HEMK2: variants seen among roughly 807,000 people sequenced by gnomAD.
HEMK2 encodes the protein HemK methyltransferase 2, ETF1 glutamine and histone H4 lysine.
chr21:28,729,633 C>CAAA, the HEMK2 span, among the ~76,000 whole-genome samples: 2,207 of 118,936 alleles, frequency 0.019, 50 homozygotes, highest in African/African-American at 0.038. Context: ...TGCTGATAAG[C>CAAA]AAAAAAAAAA....
the HEMK2 span, among the ~76,000 whole-genome samples, chr21:28,791,289 C>T: frequency 6.6e-6 from 1 of 152,172 alleles, no homozygotes; most frequent in Non-Finnish European, 1.5e-5. Flanking sequence ...TAATTCTTCT[C>T]TTGTCCCATG....
the HEMK2 span, among the ~76,000 whole-genome samples, chr21:28,696,018 G>GC: frequency 6.6e-6 from 1 of 152,106 alleles, no homozygotes; most frequent in South Asian, 2.1e-4. Context: ...GTTCCACATG[G>GC]CTGAGGAGGC....
At chr21:28,863,410 TTATATATATATATATATATATATATA>T in the HEMK2 span, among the ~76,000 whole-genome samples, 109 of 38,986 alleles carry the variant, frequency 2.8e-3, 1 homozygote, top group African/African-American at 3.5e-3. Context: ...AAACTCCCTT[TTATATATATATATATATATATATATA>T]TATATATATA....
At chr21:28,850,845 T>C in the HEMK2 span, among the ~76,000 whole-genome samples, 2 of 152,158 alleles carry the variant, frequency 1.3e-5, no homozygotes, top group Admixed American at 6.5e-5. Context: ...CCTCTATCGA[T>C]TGATTATAGT....
chr21:28,796,070 C>G, the HEMK2 span, among the ~76,000 whole-genome samples: 3 of 152,202 alleles, frequency 2.0e-5, no homozygotes, highest in Non-Finnish European at 4.4e-5. Context: ...TGACTCTATA[C>G]AGATTTTCCT....
the HEMK2 span, among the ~76,000 whole-genome samples, chr21:28,835,165 C>T: frequency 1.3e-5 from 2 of 152,066 alleles, no homozygotes; most frequent in Non-Finnish European, 2.9e-5. Flanking sequence ...TGGAAAATGC[C>T]ACCTCCTGGC....
At chr21:28,705,120 T>C in the HEMK2 span, among the ~76,000 whole-genome samples, 11 of 152,170 alleles carry the variant, frequency 7.2e-5, no homozygotes, top group Non-Finnish European at 1.5e-5. Context: ...TGGTAAATTT[T>C]CATTTCTTTT....
At chr21:28,882,233 G>T in the HEMK2 span, 1 of 1,611,144 alleles carries the variant, frequency 6.2e-7, no homozygotes, top group South Asian at 1.1e-5. Flanking sequence ...TGCTGCCTCA[G>T]GGTTGATATC....
chr21:28,772,004 A>G, the HEMK2 span, among the ~76,000 whole-genome samples: 1 of 152,144 alleles, frequency 6.6e-6, no homozygotes, highest in Admixed American at 6.5e-5. Context: ...CTGTAACTTG[A>G]TGCCAGCCTG....
the HEMK2 span, among the ~76,000 whole-genome samples, chr21:28,804,457 G>A: frequency 5.3e-5 from 8 of 152,094 alleles, no homozygotes; most frequent in Non-Finnish European, 8.8e-5. Context: ...TGTTGAGGCC[G>A]GGCACAGTGG....
chr21:28,595,952 T>C, the HEMK2 span, among the ~76,000 whole-genome samples: 1 of 151,300 alleles, frequency 6.6e-6, no homozygotes, highest in Non-Finnish European at 1.5e-5. Context: ...GCCCAGCTAA[T>C]TTTTTGTATT....
At chr21:28,839,460 A>G in the HEMK2 span, among the ~76,000 whole-genome samples, 1 of 152,154 alleles carries the variant, frequency 6.6e-6, no homozygotes, top group South Asian at 2.1e-4. Flanking sequence ...ATGATTGATT[A>G]CCTTGAAAAC....
the HEMK2 span, among the ~76,000 whole-genome samples, chr21:28,749,415 T>A: frequency 6.6e-6 from 1 of 152,114 alleles, no homozygotes; most frequent in South Asian, 2.1e-4. Flanking sequence ...GAGATTGAGG[T>A]AGAGAAAGTT....
the HEMK2 span, among the ~76,000 whole-genome samples, chr21:28,731,385 A>G: frequency 1.3e-5 from 2 of 152,232 alleles, no homozygotes; most frequent in Non-Finnish European, 2.9e-5. Flanking sequence ...TCCCATACTC[A>G]GAATCTGTTG....
chr21:28,790,080 C>A, the HEMK2 span, among the ~76,000 whole-genome samples: 2 of 152,180 alleles, frequency 1.3e-5, no homozygotes, highest in African/African-American at 4.8e-5. Context: ...GGCCACTTCA[C>A]AAACACTTCA....
the HEMK2 span, among the ~76,000 whole-genome samples, chr21:28,739,944 C>T: frequency 6.6e-6 from 1 of 152,160 alleles, no homozygotes; most frequent in Non-Finnish European, 1.5e-5. Flanking sequence ...GAAAGGTCTA[C>T]TTTGTATCAT....
the HEMK2 span, among the ~76,000 whole-genome samples, chr21:28,629,337 T>G: frequency 6.6e-6 from 1 of 152,214 alleles, no homozygotes; most frequent in Non-Finnish European, 1.5e-5. Flanking sequence ...TGGTGTTGTC[T>G]CCAGTTATAA....
At chr21:28,605,626 T>C in the HEMK2 span, among the ~76,000 whole-genome samples, 3 of 152,184 alleles carry the variant, frequency 2.0e-5, no homozygotes, top group South Asian at 6.2e-4. Flanking sequence ...GAATGGCCAG[T>C]CCAAATTTCC....
the HEMK2 span, among the ~76,000 whole-genome samples, chr21:28,785,849 C>A: frequency 6.6e-6 from 1 of 152,210 alleles, no homozygotes; most frequent in Non-Finnish European, 1.5e-5. Flanking sequence ...ATATTCCTTA[C>A]CATTAGCATA....
Sources: gnomAD v4.1 joint callset for allele counts (sites outside exome capture counted in the v4.1 genomes callset) on GRCh38, gnomAD v4.1.1 for gene constraint, MANE v1.5 for transcripts, NCBI Gene and HGNC (gene_info 2026-07-23, HGNC 2026-07-21) for gene names.